Variants in SPAST observed in about 807,000 individuals in gnomAD.
The protein encoded by SPAST is spastic paraplegia 4 (autosomal dominant; spastin).
In SPAST, 30 loss-of-function variants were observed where a neutral mutation model predicts 76.6. The observed-to-expected ratio is 0.39, with a 90% CI of 0.29 to 0.53. The LOEUF is 0.53. SPAST is among the 20% of genes least tolerant of loss of function. SPAST has a pLI of 0.68. For synonymous variants in SPAST, 305 were observed against 281.0 expected, an observed-to-expected ratio of 1.09 and a Z score of -0.86; for missense variants, 717 against 770.5, an observed-to-expected ratio of 0.93 and a Z score of 0.82.
Position 32,149,256 on chromosome 2 carries a change from A to ATTTTTTTTTTT in SPAST, c.1728+2002_1728+2012dup, listed in dbSNP as rs59020104. Among the ~76,000 whole-genome samples the ATTTTTTTTTTT allele has an allele frequency of 3.2e-5, 4 of 123,604 alleles. 1 individual carries two copies. The highest frequency in any genetic ancestry group is 4.9e-5 in the Non-Finnish European group (3 of 61,246). 81.1% of individuals were successfully genotyped at this position (123,604 alleles called of 152,430 possible). On this transcript the variant is annotated intron_variant, in intron 16 of 16. Transcript: ENST00000315285. ...AGGCATGGGCCACCACGCCCAGCTAATTTTTTTTTTTTTTGTATTTTTAGT... is the reference window on the plus strand; with the variant it reads ...AGGCATGGGCCACCACGCCCAGCTAATTTTTTTTTTTTTTTTTTTTTTTTTGTATTTTTAGT...
chr2:32,092,687 C>A (rs1677768027), intron 3 of SPAST, among the ~76,000 whole-genome samples: 1 of 152,124 alleles, frequency 6.6e-6, no homozygotes, highest in Non-Finnish European at 1.5e-5. Context: ...TATGAAATAT[C>A]TTTAAAAGTG....
At chr2:32,126,834 A>G in intron 7 of SPAST, 114 bp from the exon 8 acceptor site, 2 of 703,532 alleles carry the variant, frequency 2.8e-6, no homozygotes, top group South Asian at 1.6e-5. Context: ...CTTTAAAGCT[A>G]TGGGCAGCTC....
chr2:32,070,691 A>G (rs975769201), intron 1 of SPAST, among the ~76,000 whole-genome samples: 7 of 152,088 alleles, frequency 4.6e-5, no homozygotes, highest in Non-Finnish European at 2.9e-5. Context: ...GTGCAATGAC[A>G]CCATCTTAGC....
chr2:32,113,560 C>CTTTTTTTTTTTTTTTTTT (rs10534612), intron 4 of SPAST, among the ~76,000 whole-genome samples: 1 of 90,908 alleles, frequency 1.1e-5, no homozygotes, highest in Non-Finnish European at 2.1e-5. Flanking sequence ...TGCTTCATAA[C>CTTTTTTTTTTTTTTTTTT]TTTTTTTTTT....
At chr2:32,107,335 C>G (rs959928485) in intron 4 of SPAST, among the ~76,000 whole-genome samples, 1 of 152,100 alleles carries the variant, frequency 6.6e-6, no homozygotes, top group Non-Finnish European at 1.5e-5. Context: ...TCCCCTAACC[C>G]CATCCCTGTG....
intron 3 of SPAST, among the ~76,000 whole-genome samples, chr2:32,097,245 G>T (rs974720971): frequency 4.6e-5 from 7 of 152,268 alleles, no homozygotes; most frequent in African/African-American, 1.4e-4. Context: ...AAGAGACCCA[G>T]ATCTTGGGAG....
chr2:32,145,833 A>G (rs1679866806), intron 15 of SPAST, among the ~76,000 whole-genome samples: 1 of 152,206 alleles, frequency 6.6e-6, no homozygotes, highest in Non-Finnish European at 1.5e-5. Flanking sequence ...GCTCTCAGGT[A>G]TGCACTCAGA....
chr2:32,079,494 A>T (rs1467268995), intron 1 of SPAST, among the ~76,000 whole-genome samples: 1 of 146,292 alleles, frequency 6.8e-6, no homozygotes, highest in Non-Finnish European at 1.5e-5. Context: ...TGACAGAGCG[A>T]GACCCAGTCT....
intron 1 of SPAST, among the ~76,000 whole-genome samples, chr2:32,070,019 CTA>C (rs796496055): frequency 1.2e-4 from 18 of 148,492 alleles, no homozygotes; most frequent in East Asian, 5.9e-4. Context: ...TATATGGTGA[CTA>C]TGTTTATTCT....
chr2:32,121,667 A>G (rs1679025774), intron 7 of SPAST, among the ~76,000 whole-genome samples: 1 of 151,088 alleles, frequency 6.6e-6, no homozygotes, highest in African/African-American at 2.4e-5. Context: ...CAGCCTCCCA[A>G]GCAGCTGGGA....
intron 7 of SPAST, among the ~76,000 whole-genome samples, chr2:32,121,619 C>T (rs554585949): frequency 2.0e-4 from 29 of 145,604 alleles, no homozygotes; most frequent in Non-Finnish European, 3.9e-4. Flanking sequence ...CAGCTCACTG[C>T]GCCCTTCGCC....
intron 15 of SPAST, among the ~76,000 whole-genome samples, chr2:32,146,387 T>C (rs544865554): frequency 1.3e-5 from 2 of 151,968 alleles, no homozygotes; most frequent in South Asian, 2.1e-4. Flanking sequence ...AGGGAGATCC[T>C]GTCTCTACAA....
At chr2:32,073,133 G>T (rs1450376662) in intron 1 of SPAST, among the ~76,000 whole-genome samples, 4 of 152,264 alleles carry the variant, frequency 2.6e-5, no homozygotes, top group Middle Eastern at 3.4e-3. Context: ...TATTAAACTG[G>T]ATTCCCCATA....
intron 16 of SPAST, among the ~76,000 whole-genome samples, chr2:32,147,856 C>T: frequency 6.6e-6 from 1 of 151,368 alleles, no homozygotes. Context: ...TGGTCTCTGT[C>T]TCCTGATCTC....
chr2:32,085,996 C>G (rs1274693808), intron 1 of SPAST, among the ~76,000 whole-genome samples: 1 of 151,594 alleles, frequency 6.6e-6, no homozygotes, highest in Non-Finnish European at 1.5e-5. Flanking sequence ...GAACCAAGAT[C>G]GTGCCACTGC....
At chr2:32,142,578 C>T (rs1679754318) in intron 13 of SPAST, among the ~76,000 whole-genome samples, 1 of 151,922 alleles carries the variant, frequency 6.6e-6, no homozygotes, top group South Asian at 2.1e-4. Context: ...CCAGGCCTGG[C>T]TAATTTTTTG....
intron 1 of SPAST, among the ~76,000 whole-genome samples, chr2:32,065,400 TAGC>T (rs1269210338): frequency 6.6e-6 from 1 of 152,140 alleles, no homozygotes; most frequent in Non-Finnish European, 1.5e-5. Context: ...TTAAAAAAAA[TAGC>T]AACCATCCCA....
At chr2:32,077,902 G>A (rs1038210800) in intron 1 of SPAST, 1 of 152,170 alleles carries the variant, frequency 6.6e-6, no homozygotes, top group Non-Finnish European at 1.5e-5. Flanking sequence ...GGAAGTTGAG[G>A]CAGGAGGATC....
rs138165341 is a variant in SPAST at position 32,093,360 on chromosome 2, T to C, written c.586+3755T>C. ...AGCCGGGCATGGTGGCGGGCACCTC[T>C]AATCTCACCTACTTGGGAGGTTGAG... On this transcript the variant is annotated intron_variant, in intron 3 of 16. Coordinates refer to ENST00000315285, the MANE Select transcript of SPAST (RefSeq NM_014946.4). Among the ~76,000 whole-genome samples the C allele has an allele frequency of 2.0e-4, 30 of 149,992 alleles. 1 individual carries two copies. Among genetic ancestry groups the C allele is most frequent in the African/African-American group, 6.6e-4 (27 of 40,790 alleles).
Sources: gnomAD v4.1 joint callset for allele counts (sites outside exome capture counted in the v4.1 genomes callset) on GRCh38, gnomAD v4.1.1 for gene constraint, MANE v1.5 for transcripts, NCBI Gene and HGNC (gene_info 2026-07-23, HGNC 2026-07-21) for gene names.